The following PEX5L variants were observed in gnomAD, a reference collection of about 807,000 sequenced individuals.
PEX5L encodes the protein peroxisomal biogenesis factor 5 like.
PEX5L carries 30 observed loss-of-function variants against 84.0 expected under a neutral mutation model. The observed-to-expected ratio is 0.36, with a 90% CI of 0.27 to 0.48. The LOEUF (loss-of-function observed/expected upper bound fraction) is 0.48, where lower values mean the gene tolerates loss of function less well. PEX5L is among the 20% of genes least tolerant of loss of function. The pLI is 0.99. For synonymous variants in PEX5L, 270 were observed against 283.1 expected (o/e 0.95, Z 0.46); for missense variants, 533 against 754.6 (o/e 0.71, Z 3.44).
intron 8 of PEX5L, among the ~76,000 whole-genome samples, chr3:179,842,667 G>T (rs1737726693): frequency 6.6e-6 from 1 of 152,042 alleles, no homozygotes; most frequent in African/African-American, 2.4e-5. Context: ...ACTAAAGAAG[G>T]CAGGAAGACC....
chr3:180,027,108 T>C (rs1791029053), intron 1 of PEX5L, among the ~76,000 whole-genome samples: 2 of 135,986 alleles, frequency 1.5e-5, no homozygotes, highest in Non-Finnish European at 3.0e-5. Context: ...ACATGGGGTT[T>C]CTGTGGGCAG....
intron 8 of PEX5L, among the ~76,000 whole-genome samples, chr3:179,824,706 C>CAAAAA (rs11296415): frequency 9.9e-5 from 7 of 70,490 alleles, no homozygotes; most frequent in East Asian, 4.6e-4. Flanking sequence ...AACTCCATCT[C>CAAAAA]AAAAAAAAAA....
chr3:179,888,245 T>A, intron 3 of PEX5L: 1 of 983,264 alleles, frequency 1.0e-6, no homozygotes, highest in Non-Finnish European at 1.4e-6. Flanking sequence ...TGTGGGTGGA[T>A]AAATGCCTGC....
At chr3:179,971,721 A>T in intron 1 of PEX5L, 56 bp from the exon 2 acceptor site, 2 of 1,442,494 alleles carry the variant, frequency 1.4e-6, no homozygotes, top group South Asian at 2.8e-5. Flanking sequence ...AACAATCTTA[A>T]TTCTACTTAA....
chr3:179,891,500 T>G (rs1757612761), intron 3 of PEX5L, among the ~76,000 whole-genome samples: 1 of 152,142 alleles, frequency 6.6e-6, no homozygotes, highest in Non-Finnish European at 1.5e-5. Flanking sequence ...CAGGAGATAT[T>G]ATGAAGATAC....
chr3:179,843,857 C>A (rs1470575344), intron 8 of PEX5L, among the ~76,000 whole-genome samples: 1 of 152,216 alleles, frequency 6.6e-6, no homozygotes, highest in Non-Finnish European at 1.5e-5. Context: ...CTCCCATGGA[C>A]ACACAGCATG....
chr3:180,023,311 T>C (rs41513245), intron 1 of PEX5L, among the ~76,000 whole-genome samples: 23,361 of 152,176 alleles, frequency 0.15, 2,297 homozygotes, highest in African/African-American at 0.28. Flanking sequence ...AAGTGACTAT[T>C]GTAGCAGAGA....
At chr3:179,962,764 T>C (rs180795091) in intron 2 of PEX5L, among the ~76,000 whole-genome samples, 10 of 152,316 alleles carry the variant, frequency 6.6e-5, no homozygotes, top group African/African-American at 2.2e-4. Flanking sequence ...CTCTACCAAA[T>C]GGCTGAGTCT....
intron 14 of PEX5L, among the ~76,000 whole-genome samples, chr3:179,807,432 T>C (rs1034594867): frequency 6.6e-6 from 1 of 152,210 alleles, no homozygotes; most frequent in African/African-American, 2.4e-5. Flanking sequence ...GGGCCAGGAA[T>C]TGGGAATCTG....
rs1717744336 is a variant in PEX5L at position 179,798,081 on chromosome 3, G to A, written c.*3747C>T. 6.6e-6 allele frequency: 1 copy of A among 152,142 alleles called. No individual in the cohort carries two copies. The highest frequency in any genetic ancestry group is 6.5e-5 in the Admixed American group (1 of 15,278). 9.4% of individuals were successfully genotyped at this position (152,142 alleles called of 1,614,324 possible). ...CTGTATTCAAGTCTTGCTTGTATGG[G>A]AAGAATATACAAGAAATATTTATCT... On this transcript the variant is annotated 3_prime_UTR_variant, in exon 15 of 15. Coordinates refer to ENST00000467460, the MANE Select transcript of PEX5L (RefSeq NM_016559.3).
chr3:180,024,959 T>C (rs1373005923), intron 1 of PEX5L, among the ~76,000 whole-genome samples: 2 of 152,120 alleles, frequency 1.3e-5, no homozygotes, highest in African/African-American at 4.8e-5. Context: ...TCTTGGCTGG[T>C]TAGAGATACA....
At chr3:179,821,241 T>TAAAC (rs1232884622) in intron 8 of PEX5L, among the ~76,000 whole-genome samples, 1 of 152,216 alleles carries the variant, frequency 6.6e-6, no homozygotes, top group Non-Finnish European at 1.5e-5. Flanking sequence ...TTATTTTCTT[T>TAAAC]AAACAAACAA....
At chr3:180,009,833 T>C (rs1165165028) in intron 1 of PEX5L, among the ~76,000 whole-genome samples, 1 of 152,196 alleles carries the variant, frequency 6.6e-6, no homozygotes, top group Non-Finnish European at 1.5e-5. Flanking sequence ...GTGTCTGGCC[T>C]ATAGAAAGTG....
chr3:179,963,503 A>G (rs1180498539), intron 2 of PEX5L, among the ~76,000 whole-genome samples: 1 of 152,178 alleles, frequency 6.6e-6, no homozygotes, highest in Non-Finnish European at 1.5e-5. Context: ...GGGAAAGTGT[A>G]AAATGGGAGA....
At chr3:179,933,618 C>CA (rs1773732093) in intron 2 of PEX5L, among the ~76,000 whole-genome samples, 1 of 152,172 alleles carries the variant, frequency 6.6e-6, no homozygotes, top group Non-Finnish European at 1.5e-5. Context: ...GTAGTTACAT[C>CA]AAAAATCTTT....
intron 8 of PEX5L, among the ~76,000 whole-genome samples, chr3:179,846,320 C>T (rs570393798): frequency 1.2e-4 from 18 of 152,324 alleles, no homozygotes; most frequent in Non-Finnish European, 2.1e-4. Flanking sequence ...ACACCTCACA[C>T]ACTTACCATT....
intron 1 of PEX5L, among the ~76,000 whole-genome samples, chr3:180,006,456 C>G (rs1788906284): frequency 6.6e-6 from 1 of 151,942 alleles, no homozygotes. Flanking sequence ...AGAAACATAC[C>G]TATTGCTTTT....
At chr3:179,814,401 C>T (rs1725225749) in intron 10 of PEX5L, among the ~76,000 whole-genome samples, 1 of 152,120 alleles carries the variant, frequency 6.6e-6, no homozygotes, top group Non-Finnish European at 1.5e-5. Context: ...GAAACTGAAA[C>T]TTAGAGGGTT....
At chr3:179,820,458 G>C (rs1446557574) in intron 8 of PEX5L, 1 of 153,890 alleles carries the variant, frequency 6.5e-6, no homozygotes, top group African/African-American at 2.4e-5. Context: ...AGAGCCTGGA[G>C]GGTTATGGTC....
Sources: gnomAD v4.1 joint callset for allele counts (sites outside exome capture counted in the v4.1 genomes callset) on GRCh38, gnomAD v4.1.1 for gene constraint, MANE v1.5 for transcripts, NCBI Gene and HGNC (gene_info 2026-07-23, HGNC 2026-07-21) for gene names.